PIK3C2G: variants seen among roughly 807,000 people sequenced by gnomAD.
PIK3C2G encodes the protein phosphatidylinositol 3-kinase C2 domain-containing subunit gamma.
PIK3C2G carries 168 observed loss-of-function variants against 181.1 expected under a neutral mutation model. That is an observed-to-expected ratio of 0.93 (90% CI 0.82 to 1.05). The LOEUF (loss-of-function observed/expected upper bound fraction) is 1.05, where lower values mean the gene tolerates loss of function less well. Among genes scored for constraint, PIK3C2G ranks in the 50% least tolerant of loss-of-function variants. The probability of loss-of-function intolerance (pLI) is 0.00; values close to 1 mark genes in which losing one functional copy is unlikely to be tolerated. For missense variants in PIK3C2G, 1,869 were observed against 1,732.8 expected (o/e 1.08, Z -1.40); for synonymous variants, 573 against 592.2 (o/e 0.97, Z 0.47).
chr12:18,566,599 C>G (rs918374718), intron 28 of PIK3C2G, among the ~76,000 whole-genome samples: 1 of 152,078 alleles, frequency 6.6e-6, no homozygotes, highest in Non-Finnish European at 1.5e-5. Context: ...GAATCTGAAC[C>G]TTTTTAAAAA....
At chr12:18,388,990 T>A (rs761376324) in intron 14 of PIK3C2G, among the ~76,000 whole-genome samples, 1 of 152,168 alleles carries the variant, frequency 6.6e-6, no homozygotes, top group African/African-American at 2.4e-5. Context: ...TAGCCAGGAA[T>A]GTGAGAAATA....
chr12:18,552,983 A>G (rs1265578475), intron 26 of PIK3C2G, among the ~76,000 whole-genome samples: 3 of 152,086 alleles, frequency 2.0e-5, no homozygotes, highest in Non-Finnish European at 4.4e-5. Flanking sequence ...TGTACCCACC[A>G]AGAGTACCAG....
intron 11 of PIK3C2G, among the ~76,000 whole-genome samples, chr12:18,354,012 T>A (rs1392116278): frequency 6.6e-6 from 1 of 152,190 alleles, no homozygotes; most frequent in Non-Finnish European, 1.5e-5. Context: ...TTGGATAAAG[T>A]TTGGCACCTT....
rs59803351 is a variant in PIK3C2G, at chr12:18,315,892, C to CGTGTGTGTGT, written c.1137+1849_1137+1858dup. ...CAAAAATTCTAGCTTCATGCATCCACGTGTGTGTGTGTGTGTGTGTGTGTG... is the reference window on the plus strand; with the variant it reads ...CAAAAATTCTAGCTTCATGCATCCACGTGTGTGTGTGTGTGTGTGTGTGTGTGTGTGTGTG... On this transcript the variant is annotated intron_variant, in intron 6 of 32. Coordinates refer to ENST00000538779, the MANE Select transcript of PIK3C2G (RefSeq NM_001288772.2). Among the ~76,000 whole-genome samples the CGTGTGTGTGT allele has an allele frequency of 4.5e-4, 67 of 147,574 alleles. 1 individual carries two copies. Among genetic ancestry groups the CGTGTGTGTGT allele is most frequent in the African/African-American group, 1.6e-3 (64 of 40,186 alleles).
At chr12:18,516,519 G>A (rs1942557585) in intron 24 of PIK3C2G, among the ~76,000 whole-genome samples, 1 of 151,972 alleles carries the variant, frequency 6.6e-6, no homozygotes. Flanking sequence ...CAATGTCATA[G>A]ATTTGGAAAA....
the PIK3C2G span, chr12:18,684,282 G>A: frequency 2.5e-6 from 4 of 1,597,918 alleles, no homozygotes; most frequent in Non-Finnish European, 3.4e-6. Flanking sequence ...ACTAAAAGCT[G>A]AAATATAAAA....
At chr12:18,292,638 A>G (rs142951544) in intron 4 of PIK3C2G, among the ~76,000 whole-genome samples, 37 of 152,240 alleles carry the variant, frequency 2.4e-4, no homozygotes, top group Middle Eastern at 3.4e-3. Context: ...AAGAGCTTAA[A>G]AGGGAGGATT....
At chr12:18,477,489 C>G (rs370862230) in intron 18 of PIK3C2G, among the ~76,000 whole-genome samples, 3 of 152,064 alleles carry the variant, frequency 2.0e-5, no homozygotes, top group African/African-American at 7.2e-5. Context: ...AAAATTAGCA[C>G]AAGGATAGGT....
intron 8 of PIK3C2G, among the ~76,000 whole-genome samples, chr12:18,337,233 A>G (rs1222440899): frequency 1.3e-5 from 2 of 152,204 alleles, no homozygotes; most frequent in Admixed American, 1.3e-4. Context: ...AGTTAATGGA[A>G]AAACATGGAA....
intron 8 of PIK3C2G, among the ~76,000 whole-genome samples, chr12:18,330,841 G>C (rs145788297): frequency 3.0e-4 from 45 of 152,248 alleles, no homozygotes; most frequent in African/African-American, 1.1e-3. Context: ...GTGACTGGTT[G>C]TTGGTTCGTT....
rs779163129 is a variant in PIK3C2G, at chr12:18,314,043, T to C, written c.1116T>C (p.Ala372=). 2.0e-5 allele frequency: 32 copies of C among 1,573,774 alleles called. 1 individual carries two copies. Among genetic ancestry groups the C allele is most frequent in the Non-Finnish European group, 2.8e-5 (32 of 1,154,376 alleles). ...IQLHLQKSRE[A]PGKLSRKHEE... ...TCCACCTGCAGAAAAGTAGGGAAGC[T>C]CCAGGAAAGCTATCTCGAAAGGTAA... The change falls in exon 6 of 33, where the codon GCT becomes GCC. Residue 372 remains alanine (A), a synonymous_variant. Coordinates refer to ENST00000538779, the MANE Select transcript of PIK3C2G (RefSeq NM_001288772.2).
At chr12:18,472,404 T>C (rs1481638803) in intron 18 of PIK3C2G, among the ~76,000 whole-genome samples, 1 of 152,182 alleles carries the variant, frequency 6.6e-6, no homozygotes, top group Non-Finnish European at 1.5e-5. Flanking sequence ...AATCATGTTA[T>C]ATCACATTTT....
At chr12:18,451,930 C>T (rs999188580) in intron 18 of PIK3C2G, among the ~76,000 whole-genome samples, 1 of 152,134 alleles carries the variant, frequency 6.6e-6, no homozygotes, top group Non-Finnish European at 1.5e-5. Context: ...CCAACTTGAT[C>T]GTAGTGGATA....
the PIK3C2G span, among the ~76,000 whole-genome samples, chr12:18,658,277 A>T: frequency 1.1e-4 from 17 of 152,334 alleles, no homozygotes; most frequent in East Asian, 3.1e-3. Flanking sequence ...GGACAGAAAG[A>T]ATATTTAAAG....
chr12:18,675,107 T>C, the PIK3C2G span, among the ~76,000 whole-genome samples: 1 of 152,204 alleles, frequency 6.6e-6, no homozygotes, highest in Admixed American at 6.5e-5. Context: ...ATTAATAATG[T>C]GGCTAGAGAA....
At chr12:18,599,392 G>A (rs979571905) in intron 30 of PIK3C2G, among the ~76,000 whole-genome samples, 6 of 151,490 alleles carry the variant, frequency 4.0e-5, no homozygotes, top group African/African-American at 9.7e-5. Flanking sequence ...GTAAACTATC[G>A]CAAGAGCAAA....
rs528512388 is a variant in PIK3C2G at position 18,509,284 on chromosome 12, G to A, written c.3323+3823G>A. 3.3e-5 allele frequency among the ~76,000 whole-genome samples: 5 copies of A among 152,234 alleles called. No homozygotes were observed. In the East Asian group the frequency reaches 9.7e-4, roughly 29 times the overall value. On this transcript the variant is annotated intron_variant, in intron 24 of 32. Transcript: ENST00000538779. ...ACTGGTCTCGAACTCCCGACCTCAG[G>A]CAATTCGCCCGCCTCGGCCTCTCAA...
At chr12:18,378,167 C>A (rs1005698800) in intron 13 of PIK3C2G, among the ~76,000 whole-genome samples, 1 of 152,204 alleles carries the variant, frequency 6.6e-6, no homozygotes, top group Admixed American at 6.5e-5. Flanking sequence ...CCCTCATCTT[C>A]TGTCAAGACC....
chr12:18,255,732 A>T (rs1470781315), intron 1 of PIK3C2G, among the ~76,000 whole-genome samples: 1 of 152,232 alleles, frequency 6.6e-6, no homozygotes, highest in Non-Finnish European at 1.5e-5. Flanking sequence ...TTGGCTAGTT[A>T]GCCATCATCA....
Sources: allele counts gnomAD v4.1 joint callset (sites outside exome capture counted in the v4.1 genomes callset), GRCh38; gene constraint gnomAD v4.1.1; transcripts MANE v1.5; gene names NCBI Gene and HGNC (gene_info 2026-07-23, HGNC 2026-07-21).